Variants in EPDR1 observed in about 807,000 individuals in gnomAD.
The protein encoded by EPDR1 is ependymin related 1, also known as mammalian ependymin-related protein 1.
EPDR1 carries 27 observed loss-of-function variants against 23.7 expected under a neutral mutation model. The ratio of observed to expected loss-of-function variants is 1.14; its 90% CI spans 0.84 to 1.57. The LOEUF is 1.57. Ranked by LOEUF, EPDR1 falls within the 40% of genes most tolerant of loss-of-function variation. The pLI is 0.00. For missense variants in EPDR1, 349 were observed against 290.4 expected (o/e 1.20, Z -1.47); for synonymous variants, 137 against 118.2 (o/e 1.16, Z -1.03).
intron 1 of EPDR1, among the ~76,000 whole-genome samples, chr7:37,936,420 G>A (rs1262568539): frequency 6.6e-6 from 1 of 151,984 alleles, no homozygotes; most frequent in Admixed American, 6.6e-5. Context: ...AGAAGGCAAG[G>A]ATGCCCATTA....
chr7:37,944,812 T>C (rs1319261932), intron 1 of EPDR1, among the ~76,000 whole-genome samples: 2 of 152,220 alleles, frequency 1.3e-5, no homozygotes, highest in Non-Finnish European at 2.9e-5. Flanking sequence ...ACTTCTGTGA[T>C]CCTGTGGATT....
chr7:37,931,881 A>T (rs1045293240), intron 1 of EPDR1, among the ~76,000 whole-genome samples: 25 of 151,894 alleles, frequency 1.6e-4, no homozygotes, highest in South Asian at 6.2e-4. Flanking sequence ...TTATTTATTT[A>T]TTTTTTGTAG....
intron 1 of EPDR1, among the ~76,000 whole-genome samples, chr7:37,944,838 A>G (rs545974979): frequency 2.0e-5 from 3 of 152,212 alleles, no homozygotes; most frequent in Non-Finnish European, 2.9e-5. Context: ...AGTGATGGCG[A>G]TGATTTCAAG....
At position 37,920,704 on chromosome 7, in the gene EPDR1, G is replaced by A. The variant is rs1785672342; in HGVS notation, c.-236G>A. On this transcript the variant is annotated 5_prime_UTR_variant, in exon 1 of 3. Transcript: ENST00000199448. ...GTGGCAGCAGGCAGTGGCCCAGGCA[G>A]AAATAGCTCCCGCGCGATTCACTGG... The A allele has an allele frequency of 6.2e-7, 1 of 1,605,010 alleles. No individual in the cohort carries two copies. Among genetic ancestry groups the A allele is most frequent in the Non-Finnish European group, 8.5e-7 (1 of 1,174,630 alleles).
At chr7:37,932,727 C>G (rs1028864850) in intron 1 of EPDR1, among the ~76,000 whole-genome samples, 1 of 152,148 alleles carries the variant, frequency 6.6e-6, no homozygotes, top group Non-Finnish European at 1.5e-5. Flanking sequence ...ACCATGGCAA[C>G]CTGGATATCT....
At chr7:37,921,421 G>C in intron 1 of EPDR1, 1 of 1,394,062 alleles carries the variant, frequency 7.2e-7, no homozygotes, top group East Asian at 2.9e-5. Flanking sequence ...GCTGGCGGGG[G>C]ACTCAGTAAC....
chr7:37,940,928 T>A lies in EPDR1; in HGVS notation c.270-7912T>A, dbSNP rs935164173. Reference sequence around the variant, plus strand: ...TTTCCCCACTAAGGGTAACTAGAGTTTTTTAGAGAAATGCCTGATTTCAGA... The same window carrying A: ...TTTCCCCACTAAGGGTAACTAGAGTATTTTAGAGAAATGCCTGATTTCAGA... On this transcript the variant is annotated intron_variant, in intron 1 of 2. Transcript: ENST00000199448. 2.6e-5 allele frequency among the ~76,000 whole-genome samples: 4 copies of A among 152,202 alleles called. No homozygotes were observed. In the East Asian group the frequency reaches 7.7e-4, roughly 29 times the overall value.
chr7:37,935,371 T>C (rs974782180), intron 1 of EPDR1, among the ~76,000 whole-genome samples: 8 of 152,240 alleles, frequency 5.3e-5, no homozygotes, highest in Admixed American at 5.2e-4. Flanking sequence ...TGTGTACATG[T>C]AAAATGATTT....
chr7:37,944,545 A>G (rs1447175839), intron 1 of EPDR1, among the ~76,000 whole-genome samples: 1 of 152,238 alleles, frequency 6.6e-6, no homozygotes, highest in African/African-American at 2.4e-5. Flanking sequence ...TAATGGACTC[A>G]CAGTGGCAGA....
At position 37,951,520 on chromosome 7, in the gene EPDR1, A is replaced by G. The variant is rs1442707615; in HGVS notation, c.*1124A>G. ...AGCTCCTTGGGTACGGGTACCTTGTATGTTTACTTTTATATCCCTAGCACA... is the reference window on the plus strand; with the variant it reads ...AGCTCCTTGGGTACGGGTACCTTGTGTGTTTACTTTTATATCCCTAGCACA... On this transcript the variant is annotated 3_prime_UTR_variant, in exon 3 of 3. Coordinates refer to ENST00000199448, the MANE Select transcript of EPDR1 (RefSeq NM_017549.5). The G allele has an allele frequency of 2.0e-5, 3 of 152,234 alleles. No individual in the cohort carries two copies. Among genetic ancestry groups the G allele is most frequent in the Non-Finnish European group, 4.4e-5 (3 of 68,052 alleles). 9.4% of individuals were successfully genotyped at this position (152,234 alleles called of 1,614,324 possible). A position where few individuals can be genotyped will look rare whatever the true frequency, so the allele number is the denominator to read the frequency against.
At chr7:37,929,224 T>G (rs1169001851) in intron 1 of EPDR1, among the ~76,000 whole-genome samples, 2 of 152,234 alleles carry the variant, frequency 1.3e-5, no homozygotes, top group African/African-American at 4.8e-5. Flanking sequence ...AAGGCACTTA[T>G]GACTATCTGG....
intron 1 of EPDR1, among the ~76,000 whole-genome samples, chr7:37,921,755 T>A (rs887186333): frequency 2.0e-5 from 3 of 152,192 alleles, no homozygotes; most frequent in African/African-American, 7.2e-5. Context: ...GCATTAAAAT[T>A]TTGGTCTACT....
In EPDR1 at chr7:37,921,062, G is replaced by A. The variant is rs1177698407; in HGVS notation, c.123G>A (p.Pro41=). ...TGGGGGCGGTGGGAGCCCCGCGCCC[G>A]TGCCAGGCGCCGCAGCAGTGGGAGG... ...CSLGAVGAPR[P]CQAPQQWEGR... Residue 41 remains proline (P), a synonymous_variant, in exon 1 of 3, where the codon CCG becomes CCA. Transcript: ENST00000199448. The A allele has an allele frequency of 4.5e-6, 7 of 1,555,174 alleles. No individual in the cohort carries two copies. The highest frequency in any genetic ancestry group is 6.1e-6 in the Non-Finnish European group (7 of 1,156,598).
At chr7:37,940,659 G>A (rs1428062412) in intron 1 of EPDR1, among the ~76,000 whole-genome samples, 1 of 152,050 alleles carries the variant, frequency 6.6e-6, no homozygotes, top group East Asian at 1.9e-4. Context: ...ATAGAATAAA[G>A]CAAATAAATG....
intron 1 of EPDR1, among the ~76,000 whole-genome samples, chr7:37,939,295 C>T (rs1428884119): frequency 6.6e-5 from 10 of 151,834 alleles, no homozygotes; most frequent in African/African-American, 2.2e-4. Flanking sequence ...TTTTTTTTCT[C>T]ACAAATTGAT....
At chr7:37,945,752 T>C (rs1158986530) in intron 1 of EPDR1, among the ~76,000 whole-genome samples, 2 of 152,224 alleles carry the variant, frequency 1.3e-5, no homozygotes, top group Non-Finnish European at 2.9e-5. Flanking sequence ...CAGGGGTACA[T>C]GTGCAGGATG....
intron 1 of EPDR1, among the ~76,000 whole-genome samples, chr7:37,947,871 C>A (rs1427137566): frequency 6.6e-6 from 1 of 152,188 alleles, no homozygotes; most frequent in Non-Finnish European, 1.5e-5. Context: ...TGTCACTCCC[C>A]AGGAAGGGTG....
rs139029655 is a variant in EPDR1 at position 37,927,974 on chromosome 7, G to A, written c.269+6766G>A. 2.5e-3 allele frequency among the ~76,000 whole-genome samples: 378 copies of A among 152,216 alleles called. 1 individual carries two copies. Among genetic ancestry groups the A allele is most frequent in the African/African-American group, 8.5e-3 (355 of 41,524 alleles). On this transcript the variant is annotated intron_variant, in intron 1 of 2. Transcript: ENST00000199448. The stretch of plus-strand genomic sequence containing the variant: ...TTTCTTCAAGAAACAGATTTTCTTG[G>A]AAGCACACAAAGTTTGATTTAAGGG...
At chr7:37,934,964 G>A (rs1225670140) in intron 1 of EPDR1, among the ~76,000 whole-genome samples, 1 of 151,678 alleles carries the variant, frequency 6.6e-6, no homozygotes, top group African/African-American at 2.4e-5. Flanking sequence ...AGTTAACTAT[G>A]ACAATAAAAA....
Sources: gnomAD v4.1 joint callset for allele counts (sites outside exome capture counted in the v4.1 genomes callset) on GRCh38, gnomAD v4.1.1 for gene constraint, MANE v1.5 for transcripts, NCBI Gene and HGNC (gene_info 2026-07-23, HGNC 2026-07-21) for gene names.